Variants in ZNF736 observed in about 807,000 individuals in gnomAD.
ZNF736 encodes zinc finger protein 736.
A neutral mutation model predicts 11.7 loss-of-function variants in ZNF736; 6 were observed. The observed-to-expected ratio is 0.51, with a 90% CI of 0.28 to 1.01. The LOEUF (loss-of-function observed/expected upper bound fraction) is 1.01, where lower values mean the gene tolerates loss of function less well. Ranked by LOEUF, ZNF736 falls within the 50% of genes least tolerant of loss-of-function variation. The pLI, the probability that ZNF736 is intolerant of heterozygous loss-of-function variation, is 0.09. For missense variants in ZNF736, 444 were observed against 496.0 expected, an observed-to-expected ratio of 0.90 and a Z score of 1.00; for synonymous variants, 139 against 164.7, an observed-to-expected ratio of 0.84 and a Z score of 1.19.
chr7:64,337,023 T>C (rs1789261641), intron 3 of ZNF736, 41 bp downstream of exon 3: 2 of 1,533,214 alleles, frequency 1.3e-6, no homozygotes, highest in African/African-American at 1.4e-5. Context: ...AAATGACGGA[T>C]CCCAATGTCA....
At chr7:64,329,906 A>G (rs187606051) in intron 1 of ZNF736, among the ~76,000 whole-genome samples, 126 of 152,240 alleles carry the variant, frequency 8.3e-4, no homozygotes, top group African/African-American at 2.5e-3. Flanking sequence ...GGAGTCAGAA[A>G]CCTTAGGAAT....
In ZNF736 at chr7:64,348,918, G is replaced by T; in HGVS notation, c.1055G>T (p.Arg352Leu). 6.2e-7 allele frequency: 1 copy of T among 1,604,944 alleles called. No homozygotes were observed. Among genetic ancestry groups the T allele is most frequent in the Non-Finnish European group, 8.5e-7 (1 of 1,175,466 alleles). ...GAAGAATGTGGCAAAGCCTTTACCCGCTCCTCAACCCTTTTTAACCACAAG... is the reference window on the plus strand; with the variant it reads ...GAAGAATGTGGCAAAGCCTTTACCCTCTCCTCAACCCTTTTTAACCACAAG... ...ICEECGKAFT[R>L]SSTLFNHKRI... The change falls in exon 4 of 4, where the codon CGC becomes CTC. Residue 352 changes from arginine (R) to leucine (L), a missense_variant. Physicochemically the swap from Arg to Leu is moderately radical, Grantham distance 102. Transcript: ENST00000423484.
intron 3 of ZNF736, among the ~76,000 whole-genome samples, chr7:64,338,304 AC>A (rs1176925220): frequency 1.3e-5 from 2 of 152,240 alleles, no homozygotes; most frequent in African/African-American, 2.4e-5. Context: ...AATGATTAAT[AC>A]AATCAAATTA....
Position 64,314,012 on chromosome 7 carries a change from TC to T in ZNF736, c.-137del, listed in dbSNP as rs1788874736. The T allele has an allele frequency of 8.3e-7, 1 of 1,209,640 alleles. No individual in the cohort carries two copies. The highest frequency in any genetic ancestry group is 1.2e-6 in the Non-Finnish European group (1 of 844,864). 74.9% of individuals were successfully genotyped at this position (1,209,640 alleles called of 1,614,324 possible). A position where few individuals can be genotyped will look rare whatever the true frequency, so the allele number is the denominator to read the frequency against. On this transcript the variant is annotated 5_prime_UTR_variant, in exon 1 of 4. An upstream open reading frame in the 5' UTR gains an earlier in-frame stop. Transcript: ENST00000423484. The stretch of plus-strand genomic sequence containing the variant: ...TTGTCTCCTAGCTTCCGGGCTCTGA[TC>T]CTAGTTCGCGTCTCCACTGTTCCAT...
chr7:64,320,429 GTAAT>G (rs1315873198), intron 1 of ZNF736, among the ~76,000 whole-genome samples: 1 of 152,080 alleles, frequency 6.6e-6, no homozygotes, highest in Non-Finnish European at 1.5e-5. Flanking sequence ...AAATACATTA[GTAAT>G]TAATTATTAT....
intron 1 of ZNF736, among the ~76,000 whole-genome samples, chr7:64,329,162 T>C (rs1789123284): frequency 6.6e-6 from 1 of 151,960 alleles, no homozygotes; most frequent in African/African-American, 2.4e-5. Context: ...TTTTCTTCTT[T>C]TTTTTTTGTT....
chr7:64,343,294 A>G (rs1789364025), intron 3 of ZNF736, among the ~76,000 whole-genome samples: 1 of 152,220 alleles, frequency 6.6e-6, no homozygotes, highest in South Asian at 2.1e-4. Context: ...TCTTAAGTAA[A>G]TTAATGGAAA....
At chr7:64,320,655 A>T (rs1788990913) in intron 1 of ZNF736, among the ~76,000 whole-genome samples, 1 of 152,210 alleles carries the variant, frequency 6.6e-6, no homozygotes, top group East Asian at 1.9e-4. Flanking sequence ...TAAAGTATGT[A>T]TTGTAAATCC....
chr7:64,337,228 T>G, intron 3 of ZNF736: 1 of 476,396 alleles, frequency 2.1e-6, no homozygotes. Context: ...GTTTTGTTTT[T>G]TGTTTTTAGT....
Position 64,352,173 on chromosome 7 carries a change from G to A in ZNF736, c.*3026G>A, listed in dbSNP as rs649475. ...GTAACAGTCCGACCACTTCTGAAGG[G>A]CTGCTGCAGTATGCTGGGTGTCCAC... On this transcript the variant is annotated 3_prime_UTR_variant, in exon 4 of 4. Coordinates refer to ENST00000423484, the MANE Select transcript of ZNF736 (RefSeq NM_001170905.3). 1 of 152,200 alleles carries A rather than the reference G, an allele frequency of 6.6e-6. No homozygotes were observed. Among genetic ancestry groups the A allele is most frequent in the African/African-American group, 2.4e-5 (1 of 41,524 alleles). 9.4% of individuals were successfully genotyped at this position (152,200 alleles called of 1,614,324 possible).
chr7:64,325,765 A>G (rs958626203), intron 1 of ZNF736, among the ~76,000 whole-genome samples: 77 of 152,356 alleles, frequency 5.1e-4, no homozygotes, highest in African/African-American at 1.7e-3. Flanking sequence ...GGACTTTGTC[A>G]GCCTTTTTAA....
intron 3 of ZNF736, among the ~76,000 whole-genome samples, chr7:64,341,578 T>C (rs1789339118): frequency 6.6e-6 from 1 of 152,166 alleles, no homozygotes; most frequent in Admixed American, 6.5e-5. Flanking sequence ...GTTCCTCTAG[T>C]ATTATAACAA....
rs556794430 is a variant in ZNF736 at position 64,349,232 on chromosome 7, G to C, written c.*85G>C. The C allele has an allele frequency of 4.9e-5, 57 of 1,161,014 alleles. No homozygotes were observed. The African/African-American group carries it at 8.7e-4, about 18-fold the overall frequency. The allele number at this position is 1,161,014 out of a possible 1,614,324, so 71.9% of individuals were successfully genotyped here. On this transcript the variant is annotated 3_prime_UTR_variant, in exon 4 of 4. Transcript: ENST00000423484. ...TGAACAAATGCAGTATAAATGTAAT[G>C]ACAGTGGAAGAACATTTATCATCTT...
intron 1 of ZNF736, among the ~76,000 whole-genome samples, chr7:64,315,209 A>G (rs867645773): frequency 1.3e-5 from 2 of 152,210 alleles, no homozygotes; most frequent in African/African-American, 4.8e-5. Flanking sequence ...CCATGAGCCA[A>G]TTAATCCTCT....
At chr7:64,345,013 ATTATTTAT>A (rs138933337) in intron 3 of ZNF736, among the ~76,000 whole-genome samples, 19 of 141,942 alleles carry the variant, frequency 1.3e-4, no homozygotes, top group South Asian at 4.5e-4. Context: ...AATTTATTTT[ATTATTTAT>A]TTATTTATTT....
At chr7:64,329,677 G>A (rs986576411) in intron 1 of ZNF736, among the ~76,000 whole-genome samples, 16 of 152,144 alleles carry the variant, frequency 1.1e-4, no homozygotes, top group African/African-American at 3.6e-4. Context: ...GCACCCCTGT[G>A]GCCACCATCA....
intron 3 of ZNF736, among the ~76,000 whole-genome samples, chr7:64,338,529 C>T (rs1165191564): frequency 1.3e-5 from 2 of 152,164 alleles, no homozygotes; most frequent in East Asian, 1.9e-4. Flanking sequence ...CTAGCACTCA[C>T]CTCTATACTC....
At chr7:64,340,717 G>A (rs1345552294) in intron 3 of ZNF736, among the ~76,000 whole-genome samples, 1 of 152,092 alleles carries the variant, frequency 6.6e-6, no homozygotes, top group Non-Finnish European at 1.5e-5. Context: ...TCAACATAAT[G>A]GACTCCATGT....
intron 1 of ZNF736, 102 bp downstream of exon 1, chr7:64,314,255 G>T: frequency 6.9e-7 from 1 of 1,446,408 alleles, no homozygotes; most frequent in African/African-American, 1.4e-5. Flanking sequence ...GTCTGCTCTG[G>T]AGTCTGCATC....
Sources: allele counts gnomAD v4.1 joint callset (sites outside exome capture counted in the v4.1 genomes callset), GRCh38; gene constraint gnomAD v4.1.1; transcripts MANE v1.5; gene names NCBI Gene and HGNC (gene_info 2026-07-23, HGNC 2026-07-21).